DNAAF9: variants seen among roughly 807,000 people sequenced by gnomAD.
DNAAF9 encodes the protein dynein axonemal assembly factor 9.
DNAAF9 carries 90 observed loss-of-function variants against 167.0 expected under a neutral mutation model. That is an observed-to-expected ratio of 0.54 (90% CI 0.45 to 0.64). The LOEUF (loss-of-function observed/expected upper bound fraction) is 0.64. DNAAF9 is among the 30% of genes least tolerant of loss of function. The pLI, the probability that DNAAF9 is intolerant of heterozygous loss-of-function variation, is 0.00. For synonymous variants in DNAAF9, 491 were observed against 508.8 expected (o/e 0.96, Z 0.47); for missense variants, 1,315 against 1,442.2 (o/e 0.91, Z 1.43).
intron 30 of DNAAF9, among the ~76,000 whole-genome samples, chr20:3,268,896 A>ATTTTTTTTTT (rs1649924645): frequency 1.2e-5 from 1 of 80,832 alleles, no homozygotes; most frequent in Non-Finnish European, 2.5e-5. Flanking sequence ...TCTCTATGTT[A>ATTTTTTTTTT]CTTTTTTTTT....
intron 1 of DNAAF9, among the ~76,000 whole-genome samples, chr20:3,395,080 G>T (rs1172319556): frequency 4.9e-5 from 7 of 142,724 alleles, no homozygotes; most frequent in African/African-American, 1.9e-4. Flanking sequence ...CCATTCTCCT[G>T]CCTCAGCCTC....
chr20:3,306,571 GC>G (rs1171824739), intron 20 of DNAAF9, among the ~76,000 whole-genome samples: 1 of 152,186 alleles, frequency 6.6e-6, no homozygotes, highest in African/African-American at 2.4e-5. Flanking sequence ...CAAAATCACA[GC>G]ATTACTTGGT....
At chr20:3,294,084 G>T in intron 25 of DNAAF9, 55 bp downstream of exon 25, 1 of 969,444 alleles carries the variant, frequency 1.0e-6, no homozygotes, top group Non-Finnish European at 1.7e-6. Flanking sequence ...TTCAGGGGCA[G>T]GCTCTCAAGA....
chr20:3,333,001 G>A (rs1396914879), intron 10 of DNAAF9, among the ~76,000 whole-genome samples: 2 of 151,674 alleles, frequency 1.3e-5, no homozygotes, highest in African/African-American at 4.8e-5. Flanking sequence ...GGATGCTAGG[G>A]CAATCATGAT....
intron 3 of DNAAF9, among the ~76,000 whole-genome samples, chr20:3,377,400 A>C (rs562548941): frequency 3.9e-5 from 6 of 152,206 alleles, no homozygotes; most frequent in African/African-American, 1.4e-4. Flanking sequence ...AGGGTCTGCT[A>C]TCTGCTATGT....
intron 2 of DNAAF9, among the ~76,000 whole-genome samples, chr20:3,382,224 G>C (rs997263831): frequency 5.3e-5 from 8 of 152,160 alleles, no homozygotes; most frequent in African/African-American, 1.9e-4. Context: ...GCTTAAGGCA[G>C]AAGTAGCTCC....
intron 1 of DNAAF9, among the ~76,000 whole-genome samples, chr20:3,401,489 A>G (rs1451913337): frequency 4.6e-5 from 7 of 152,170 alleles, no homozygotes; most frequent in Non-Finnish European, 7.3e-5. Context: ...CATAAGCCAC[A>G]GCACCCGGCT....
intron 25 of DNAAF9, among the ~76,000 whole-genome samples, chr20:3,293,107 C>T (rs2068992567): frequency 6.6e-6 from 1 of 150,458 alleles, no homozygotes; most frequent in South Asian, 2.1e-4. Context: ...TCCTGGCTAA[C>T]ACGGTGAAAC....
At chr20:3,340,688 A>C in intron 9 of DNAAF9, 49 bp from the exon 10 acceptor site, 1 of 1,591,788 alleles carries the variant, frequency 6.3e-7, no homozygotes, top group Non-Finnish European at 8.6e-7. Flanking sequence ...TTCCTGGCCA[A>C]GGCAACCTTC....
At chr20:3,254,121 C>T (rs1277017705) in intron 35 of DNAAF9, among the ~76,000 whole-genome samples, 1 of 152,136 alleles carries the variant, frequency 6.6e-6, no homozygotes, top group Admixed American at 6.5e-5. Context: ...CTTTGTCACC[C>T]AGGTTGGAGT....
intron 8 of DNAAF9, among the ~76,000 whole-genome samples, chr20:3,347,242 A>G (rs2070209928): frequency 6.6e-6 from 1 of 152,216 alleles, no homozygotes; most frequent in Admixed American, 6.5e-5. Context: ...CTGAAGCAAG[A>G]TCTTTCAAGT....
At chr20:3,336,066 T>C (rs1474500241) in intron 10 of DNAAF9, among the ~76,000 whole-genome samples, 3 of 152,010 alleles carry the variant, frequency 2.0e-5, no homozygotes, top group South Asian at 2.1e-4. Flanking sequence ...GAGATTGCAG[T>C]GATTCAAGAT....
At chr20:3,301,315 G>T (rs542523729) in intron 21 of DNAAF9, among the ~76,000 whole-genome samples, 1 of 151,980 alleles carries the variant, frequency 6.6e-6, no homozygotes, top group South Asian at 2.1e-4. Flanking sequence ...AGTCTCCTGA[G>T]TACCTGGGAC....
At chr20:3,295,834 CAAAG>C in intron 23 of DNAAF9, 2 of 921,556 alleles carry the variant, frequency 2.2e-6, no homozygotes, top group South Asian at 1.3e-5. Context: ...AATCAGTAAA[CAAAG>C]AGTTTAATCC....
chr20:3,309,896 A>G (rs1436828561), intron 20 of DNAAF9, among the ~76,000 whole-genome samples: 1 of 152,126 alleles, frequency 6.6e-6, no homozygotes, highest in Non-Finnish European at 1.5e-5. Context: ...AGTATCCAAA[A>G]TCTATAAAGA....
intron 26 of DNAAF9, 123 bp from the exon 27 acceptor site, chr20:3,287,913 G>A (rs1406310436): frequency 3.5e-6 from 3 of 866,624 alleles, no homozygotes; most frequent in Non-Finnish European, 5.5e-6. Context: ...ATCCATTCAG[G>A]AGAAAGCCAT....
chr20:3,298,181 G>A lies in DNAAF9; in HGVS notation c.1783-6C>T. The A allele has an allele frequency of 6.2e-7, 1 of 1,610,592 alleles. No individual in the cohort carries two copies. The highest frequency in any genetic ancestry group is 1.3e-5 in the African/African-American group (1 of 74,892). ...GCAACAGTACTGGTGGAATCCTAAAGCGAAAAGGAGGGAGCATCAGCAAGA... is the reference window on the plus strand; with the variant it reads ...GCAACAGTACTGGTGGAATCCTAAAACGAAAAGGAGGGAGCATCAGCAAGA... On this transcript the variant is annotated splice_region_variant and splice_polypyrimidine_tract_variant and intron_variant, in intron 21 of 36. Coordinates refer to ENST00000252032, the MANE Select transcript of DNAAF9 (RefSeq NM_001009984.3).
chr20:3,250,589 A>G lies in DNAAF9; in HGVS notation c.*1983T>C, dbSNP rs1427701793. 6.6e-6 allele frequency: 1 copy of G among 152,246 alleles called. No individual in the cohort carries two copies. The highest frequency in any genetic ancestry group is 1.5e-5 in the Non-Finnish European group (1 of 68,048). The allele number at this position is 152,246 out of a possible 1,614,324, so 9.4% of individuals were successfully genotyped here. On this transcript the variant is annotated 3_prime_UTR_variant, in exon 37 of 37. Coordinates refer to ENST00000252032, the MANE Select transcript of DNAAF9 (RefSeq NM_001009984.3). ...TGGGACAGTGGGGCAAGTTGGTGAG[A>G]GAGCATTTCTGTGAAGAGAAACAAA...
intron 1 of DNAAF9, among the ~76,000 whole-genome samples, chr20:3,385,135 T>A (rs2083715962): frequency 6.6e-6 from 1 of 152,064 alleles, no homozygotes. Flanking sequence ...AAAGTCTGAA[T>A]GTTTTTCCTC....
Sources: gnomAD v4.1 joint callset for allele counts (sites outside exome capture counted in the v4.1 genomes callset) on GRCh38, gnomAD v4.1.1 for gene constraint, MANE v1.5 for transcripts, NCBI Gene and HGNC (gene_info 2026-07-23, HGNC 2026-07-21) for gene names.